The following PRLR variants were observed in gnomAD, a reference collection of about 807,000 sequenced individuals.
The protein encoded by PRLR is hPRL receptor.
In PRLR, 13 loss-of-function variants were observed where a neutral mutation model predicts 40.2. The ratio of observed to expected loss-of-function variants is 0.32; its 90% CI spans 0.21 to 0.51. PRLR has a LOEUF of 0.51. Among genes scored for constraint, PRLR ranks in the 20% least tolerant of loss-of-function variants. PRLR has a pLI of 0.97. For synonymous variants in PRLR, 269 were observed against 278.7 expected (o/e 0.97, Z 0.35); for missense variants, 656 against 747.3 (o/e 0.88, Z 1.42).
intron 1 of PRLR, among the ~76,000 whole-genome samples, chr5:35,191,621 C>T (rs1009234216): frequency 5.9e-5 from 9 of 152,214 alleles, no homozygotes; most frequent in African/African-American, 2.2e-4. Context: ...GCCAACAGAC[C>T]TTCCATAGTT....
chr5:35,102,763 G>C lies in PRLR; in HGVS notation c.-43-13100C>G, dbSNP rs1381477304. Among the ~76,000 whole-genome samples, 7 of 152,118 alleles carry C rather than the reference G, an allele frequency of 4.6e-5. No individual in the cohort carries two copies. In the South Asian group the frequency reaches 1.2e-3, roughly 27 times the overall value. On this transcript the variant is annotated intron_variant, in intron 2 of 9. Coordinates refer to ENST00000618457, the MANE Select transcript of PRLR (RefSeq NM_000949.7). ...TCACCATATTGGTCAGGCTGGTCTCGAACTCCTGACCTCAGGTGATCCACC... is the reference window on the plus strand; with the variant it reads ...TCACCATATTGGTCAGGCTGGTCTCCAACTCCTGACCTCAGGTGATCCACC...
At chr5:35,195,267 G>A (rs183613397) in intron 1 of PRLR, 5 of 152,382 alleles carry the variant, frequency 3.3e-5, no homozygotes, top group Admixed American at 2.0e-4. Context: ...CCGGGCCAGC[G>A]TGTTATTGAG....
intron 1 of PRLR, among the ~76,000 whole-genome samples, chr5:35,194,673 AG>A (rs1443301395): frequency 6.6e-6 from 1 of 152,216 alleles, no homozygotes; most frequent in Non-Finnish European, 1.5e-5. Context: ...CAGTCAGAAA[AG>A]ACTACATTCT....
At chr5:35,051,976 C>A (rs1768511818), downstream of PRLR, among the ~76,000 whole-genome samples, 1 of 152,016 alleles carries the variant, frequency 6.6e-6, no homozygotes, top group African/African-American at 2.4e-5. Flanking sequence ...TTGTATGTAA[C>A]AATGAAAAGA....
intron 1 of PRLR, among the ~76,000 whole-genome samples, chr5:35,159,231 C>A (rs1234318372): frequency 3.3e-5 from 5 of 149,836 alleles, no homozygotes; most frequent in African/African-American, 9.9e-5. Flanking sequence ...ACCACTGTGA[C>A]AATTTTTGGC....
intron 1 of PRLR, among the ~76,000 whole-genome samples, chr5:35,219,100 T>A (rs1394237125): frequency 6.6e-6 from 1 of 152,036 alleles, no homozygotes; most frequent in Non-Finnish European, 1.5e-5. Context: ...TGGAGGGGGG[T>A]TGGATCATTC....
intron 1 of PRLR, among the ~76,000 whole-genome samples, chr5:35,202,693 T>C (rs1021797403): frequency 6.6e-6 from 1 of 152,198 alleles, no homozygotes; most frequent in Non-Finnish European, 1.5e-5. Context: ...TAAATTAGTG[T>C]CTTTTAGTTA....
Position 35,059,044 on chromosome 5 carries a change from G to T in PRLR, c.*6045C>A, listed in dbSNP as rs1002070705. 6.6e-6 allele frequency: 1 copy of T among 152,030 alleles called. No individual in the cohort carries two copies. Among genetic ancestry groups the T allele is most frequent in the African/African-American group, 2.4e-5 (1 of 41,408 alleles). The allele number at this position is 152,030 out of a possible 1,614,324, so 9.4% of individuals were successfully genotyped here. The stretch of plus-strand genomic sequence containing the variant: ...GCCATATAGTTTTTCAGATAACGTG[G>T]AAAAAAGATTTTTCCCCCAGGATTT... On this transcript the variant is annotated 3_prime_UTR_variant, in exon 10 of 10. Coordinates refer to ENST00000618457, the MANE Select transcript of PRLR (RefSeq NM_000949.7).
chr5:35,202,626 G>T (rs1367042072), intron 1 of PRLR, among the ~76,000 whole-genome samples: 1 of 152,152 alleles, frequency 6.6e-6, no homozygotes, highest in East Asian at 1.9e-4. Context: ...TTGGTGCCTG[G>T]TATACAGACT....
At chr5:35,191,048 C>CTTTTTTTTTTT (rs869174221) in intron 1 of PRLR, among the ~76,000 whole-genome samples, 1 of 68,166 alleles carries the variant, frequency 1.5e-5, no homozygotes, top group Admixed American at 2.0e-4. Context: ...GTGTTATTTT[C>CTTTTTTTTTTT]TTTTTTTTTT....
chr5:35,065,566 G>A lies in PRLR; in HGVS notation c.1392C>T (p.Thr464=). 2 of 1,614,114 alleles carry A rather than the reference G, an allele frequency of 1.2e-6. No individual in the cohort carries two copies. Among genetic ancestry groups the A allele is most frequent in the South Asian group, 1.1e-5 (1 of 91,072 alleles). Residue 464 remains threonine (T), a synonymous_variant, in exon 10 of 10, where the codon ACC becomes ACT. Transcript: ENST00000618457. ...CCTTTCCCTCTTCTCTAGACTTAAT[G>A]GTTTGAGAGGATTTTAAAGCATCTT... The part of the protein sequence containing the change: ...AGKDALKSSQ[T]IKSREEGKAT...
intron 2 of PRLR, among the ~76,000 whole-genome samples, chr5:35,106,563 C>T (rs1023477026): frequency 6.6e-6 from 1 of 152,084 alleles, no homozygotes; most frequent in African/African-American, 2.4e-5. Flanking sequence ...CAAAGAAAAG[C>T]AGGAGTTGTA....
intron 2 of PRLR, among the ~76,000 whole-genome samples, chr5:35,106,842 T>C (rs531197711): frequency 2.5e-4 from 38 of 152,208 alleles, no homozygotes; most frequent in African/African-American, 8.9e-4. Flanking sequence ...ACAAGGATAT[T>C]CAGAACTTGA....
At chr5:35,118,146 T>C in intron 1 of PRLR, 24 bp from the exon 2 acceptor site, 6 of 978,148 alleles carry the variant, frequency 6.1e-6, no homozygotes, top group Non-Finnish European at 7.3e-6. Flanking sequence ...TGATTCATTT[T>C]AGCTCCAAGA....
At chr5:35,115,015 C>G (rs1772925247) in intron 2 of PRLR, among the ~76,000 whole-genome samples, 1 of 152,196 alleles carries the variant, frequency 6.6e-6, no homozygotes, top group African/African-American at 2.4e-5. Flanking sequence ...AGTCTCAAGA[C>G]ATGGTATTCA....
intron 5 of PRLR, among the ~76,000 whole-genome samples, chr5:35,073,445 T>G (rs889743977): frequency 6.6e-6 from 1 of 152,230 alleles, no homozygotes; most frequent in African/African-American, 2.4e-5. Flanking sequence ...GAGTATTTAC[T>G]ACATGCCAGG....
chr5:35,225,764 C>T (rs1168216282), intron 1 of PRLR, among the ~76,000 whole-genome samples: 1 of 152,218 alleles, frequency 6.6e-6, no homozygotes, highest in Non-Finnish European at 1.5e-5. Flanking sequence ...TCACTGCAAC[C>T]TCCGCCTCCC....
chr5:35,098,409 A>G (rs950983230), intron 2 of PRLR, among the ~76,000 whole-genome samples: 5 of 152,204 alleles, frequency 3.3e-5, no homozygotes, highest in Non-Finnish European at 5.9e-5. Flanking sequence ...CACAGTCCCC[A>G]TGTAAAGTGA....
intron 1 of PRLR, among the ~76,000 whole-genome samples, chr5:35,223,398 C>A (rs1776470319): frequency 6.6e-6 from 1 of 152,154 alleles, no homozygotes; most frequent in African/African-American, 2.4e-5. Flanking sequence ...AATGGAAGCT[C>A]TGGAGTGGGG....
Sources: allele counts gnomAD v4.1 joint callset (sites outside exome capture counted in the v4.1 genomes callset), GRCh38; gene constraint gnomAD v4.1.1; transcripts MANE v1.5; gene names NCBI Gene and HGNC (gene_info 2026-07-23, HGNC 2026-07-21).